The following TTC29 variants were observed in gnomAD, a reference collection of about 807,000 sequenced individuals.
TTC29 encodes tetratricopeptide repeat domain 29.
Under a neutral mutation model 58.1 loss-of-function variants are expected in TTC29, and 49 were observed. That is an observed-to-expected ratio of 0.84 (90% CI 0.67 to 1.07). The LOEUF (loss-of-function observed/expected upper bound fraction) is 1.07. Ranked by LOEUF, TTC29 falls within the 50% of genes least tolerant of loss-of-function variation. The pLI is 0.00. For missense variants in TTC29, 582 were observed against 555.6 expected (o/e 1.05, Z -0.48); for synonymous variants, 209 against 196.8 (o/e 1.06, Z -0.52).
In TTC29 at chr4:146,707,149, A is replaced by G; in HGVS notation, c.*9T>C. On this transcript the variant is annotated 3_prime_UTR_variant, in exon 13 of 13. Transcript: ENST00000325106. ...TTCTTCTTGCTTTGATGTTAAGTGAAAAGCTGCTTTAAGTTTCATTTTTTT... is the reference window on the plus strand; with the variant it reads ...TTCTTCTTGCTTTGATGTTAAGTGAGAAGCTGCTTTAAGTTTCATTTTTTT... 6.6e-7 allele frequency: 1 copy of G among 1,525,894 alleles called. No individual in the cohort carries two copies. The highest frequency in any genetic ancestry group is 8.8e-7 in the Non-Finnish European group (1 of 1,133,660). The allele number at this position is 1,525,894 out of a possible 1,614,324, so 94.5% of individuals were successfully genotyped here. A position where few individuals can be genotyped will look rare whatever the true frequency, so the allele number is the denominator to read the frequency against.
chr4:146,905,181 T>C (rs1733439890), intron 5 of TTC29, among the ~76,000 whole-genome samples: 2 of 152,266 alleles, frequency 1.3e-5, no homozygotes, highest in South Asian at 4.1e-4. Context: ...GTCTTTCCAT[T>C]ATGAACTTCC....
chr4:146,831,871 A>G, intron 9 of TTC29: 1 of 247,814 alleles, frequency 4.0e-6, no homozygotes, highest in Non-Finnish European at 8.5e-6. Flanking sequence ...TGAAATTGTA[A>G]GCGCTTAGTA....
At chr4:146,766,873 T>C (rs1747361771) in intron 11 of TTC29, among the ~76,000 whole-genome samples, 1 of 152,084 alleles carries the variant, frequency 6.6e-6, no homozygotes, top group South Asian at 2.1e-4. Flanking sequence ...ATTGATATTA[T>C]TAGAGATAGA....
intron 10 of TTC29, among the ~76,000 whole-genome samples, chr4:146,811,247 G>T (rs945994189): frequency 6.6e-6 from 1 of 151,974 alleles, no homozygotes; most frequent in Admixed American, 6.6e-5. Flanking sequence ...TAAATACTTC[G>T]TATATATTAT....
In TTC29 at chr4:146,831,135, C is replaced by A. The variant is rs147434307; in HGVS notation, c.977+2671G>T. Among the ~76,000 whole-genome samples the A allele has an allele frequency of 3.8e-3, 573 of 152,236 alleles. 7 individuals are homozygous for A. Among genetic ancestry groups the A allele is most frequent in the African/African-American group, 0.013 (529 of 41,528 alleles). On this transcript the variant is annotated intron_variant, in intron 9 of 12. Transcript: ENST00000325106. The stretch of plus-strand genomic sequence containing the variant: ...GCCTTGGGACACTTTTTCACTATGA[C>A]CTCAGAATAAGCATCCCCTGCACTG...
chr4:146,740,303 G>A lies in TTC29; in HGVS notation c.1331-32752C>T, dbSNP rs143713027. ...GTCCTTGTGTGTAGCAGCTAGAATC[G>A]CTAGCATGGCCATGCTTTTATTGTA... On this transcript the variant is annotated intron_variant, in intron 11 of 12. Transcript: ENST00000325106. 7.2e-3 allele frequency among the ~76,000 whole-genome samples: 1,092 copies of A among 152,226 alleles called. 8 individuals are homozygous for A. The highest frequency in any genetic ancestry group is 0.025 in the African/African-American group (1,053 of 41,536).
At chr4:146,888,269 G>A (rs752061143) in intron 6 of TTC29, among the ~76,000 whole-genome samples, 6 of 152,268 alleles carry the variant, frequency 3.9e-5, no homozygotes, top group Non-Finnish European at 8.8e-5. Flanking sequence ...AAACAATGGA[G>A]CAGAGAGATT....
intron 11 of TTC29, among the ~76,000 whole-genome samples, chr4:146,777,417 T>C (rs1023130770): frequency 2.0e-5 from 3 of 151,514 alleles, no homozygotes; most frequent in Admixed American, 6.6e-5. Flanking sequence ...GAGAGAGGAG[T>C]TTTTATCATT....
intron 11 of TTC29, among the ~76,000 whole-genome samples, chr4:146,753,846 T>A (rs886159805): frequency 3.3e-5 from 5 of 151,946 alleles, no homozygotes; most frequent in African/African-American, 1.2e-4. Context: ...TAGGTGGGAA[T>A]TGAACAATAA....
intron 11 of TTC29, among the ~76,000 whole-genome samples, chr4:146,718,771 A>G (rs1176723137): frequency 6.6e-6 from 1 of 152,142 alleles, no homozygotes; most frequent in Non-Finnish European, 1.5e-5. Flanking sequence ...AAATCTAAAA[A>G]GTTATTGCCT....
At chr4:146,934,809 A>G (rs562886782) in intron 4 of TTC29, among the ~76,000 whole-genome samples, 2 of 152,314 alleles carry the variant, frequency 1.3e-5, no homozygotes, top group African/African-American at 4.8e-5. Flanking sequence ...CTGTGAAGAC[A>G]TCTAGGAAGC....
intron 9 of TTC29, among the ~76,000 whole-genome samples, chr4:146,823,418 G>A (rs933975922): frequency 3.9e-5 from 6 of 152,094 alleles, no homozygotes; most frequent in Non-Finnish European, 8.8e-5. Flanking sequence ...GATTGTAGAT[G>A]TGTGGTGTTA....
chr4:146,762,262 T>C (rs1746963404), intron 11 of TTC29, among the ~76,000 whole-genome samples: 1 of 152,008 alleles, frequency 6.6e-6, no homozygotes, highest in African/African-American at 2.4e-5. Flanking sequence ...GGCCTGAATA[T>C]GTGAATTTAA....
intron 11 of TTC29, among the ~76,000 whole-genome samples, chr4:146,779,383 T>TA (rs1020531342): frequency 1.3e-5 from 2 of 152,058 alleles, no homozygotes; most frequent in African/African-American, 4.8e-5. Flanking sequence ...CATAAGTGCA[T>TA]AAAAAATAGG....
At chr4:146,742,424 T>A (rs1745221668) in intron 11 of TTC29, among the ~76,000 whole-genome samples, 1 of 152,182 alleles carries the variant, frequency 6.6e-6, no homozygotes, top group Non-Finnish European at 1.5e-5. Context: ...GAAGGAAGAC[T>A]CCCTGCATCT....
intron 11 of TTC29, among the ~76,000 whole-genome samples, chr4:146,799,649 T>C (rs959024654): frequency 6.6e-6 from 1 of 152,218 alleles, no homozygotes; most frequent in African/African-American, 2.4e-5. Context: ...TTTAATCTAC[T>C]ATATTTCTAT....
chr4:146,906,972 A>G (rs1733561910), intron 5 of TTC29, among the ~76,000 whole-genome samples: 1 of 152,154 alleles, frequency 6.6e-6, no homozygotes, highest in African/African-American at 2.4e-5. Context: ...AAATACAAAA[A>G]TTAGCTTGGC....
At position 146,874,881 on chromosome 4, in the gene TTC29, T is replaced by C. The variant is rs923879082; in HGVS notation, c.634A>G (p.Thr212Ala). The C allele has an allele frequency of 6.2e-6, 10 of 1,613,542 alleles. No individual in the cohort carries two copies. Among genetic ancestry groups the C allele is most frequent in the Non-Finnish European group, 8.5e-6 (10 of 1,179,710 alleles). Residue 212 changes from threonine (T) to alanine (A), a missense_variant, in exon 7 of 13, where the codon ACA becomes GCA. Thr to Ala is a moderately conservative substitution (Grantham distance 58). Coordinates refer to ENST00000325106, the MANE Select transcript of TTC29 (RefSeq NM_031956.4). ...TCATCCTTCCATATCCGCCCCTGTG[T>C]CAATTGATGGAATGCTTCATAATGC... ...AEHYEAFHQL[T>A]QGRIWKDETG...
intron 4 of TTC29, among the ~76,000 whole-genome samples, chr4:146,910,415 A>C (rs761949665): frequency 6.6e-5 from 10 of 152,154 alleles, no homozygotes; most frequent in Non-Finnish European, 1.5e-4. Flanking sequence ...AACAAATAAC[A>C]AAACAAAACA....
Sources: gnomAD v4.1 joint callset for allele counts (sites outside exome capture counted in the v4.1 genomes callset) on GRCh38, gnomAD v4.1.1 for gene constraint, MANE v1.5 for transcripts, NCBI Gene and HGNC (gene_info 2026-07-23, HGNC 2026-07-21) for gene names.